BAZ2B: variants seen among roughly 807,000 people sequenced by gnomAD.
The protein encoded by BAZ2B is bromodomain adjacent to zinc finger domain 2B, also known as bromodomain adjacent to zinc finger domain protein 2B.
In BAZ2B, 91 loss-of-function variants were observed where a neutral mutation model predicts 246.0. That is an observed-to-expected ratio of 0.37 (90% confidence interval 0.31 to 0.44). BAZ2B has a LOEUF of 0.44. Ranked by LOEUF, BAZ2B falls within the 20% of genes least tolerant of loss-of-function variation. BAZ2B has a pLI of 1.00. For synonymous variants in BAZ2B, 855 were observed against 860.0 expected (o/e 0.99, Z 0.10); for missense variants, 2,332 against 2,533.7 (o/e 0.92, Z 1.71).
chr2:159,652,271 A>G, the BAZ2B span, among the ~76,000 whole-genome samples: 3 of 148,550 alleles, frequency 2.0e-5, no homozygotes, highest in Admixed American at 6.8e-5. Context: ...GTGCAATGGC[A>G]TGGTCTTGGC....
chr2:159,400,327 T>C (rs2064783363), intron 17 of BAZ2B, among the ~76,000 whole-genome samples: 1 of 152,210 alleles, frequency 6.6e-6, no homozygotes, highest in Non-Finnish European at 1.5e-5. Context: ...TTTATAAAAG[T>C]AAAACATTTT....
In BAZ2B at chr2:159,403,482, A is replaced by G. The variant is rs556954544; in HGVS notation, c.2832+1367T>C. ...GAGTCTCCAGCCATTAGTAAATAGA[A>G]TAAGCTATAAAACTTTTTCAATAAA... On this transcript the variant is annotated intron_variant, in intron 16 of 36. Coordinates refer to ENST00000392783, the MANE Select transcript of BAZ2B (RefSeq NM_013450.4). 3.9e-4 allele frequency among the ~76,000 whole-genome samples: 60 copies of G among 152,312 alleles called. 1 individual carries two copies. The Middle Eastern group carries it at 0.01, about 26-fold the overall frequency.
At chr2:159,655,118 C>T in the BAZ2B span, among the ~76,000 whole-genome samples, 7 of 152,124 alleles carry the variant, frequency 4.6e-5, no homozygotes, top group Non-Finnish European at 8.8e-5. Context: ...AACAAAATAA[C>T]TTAAACAAAC....
chr2:159,702,612 G>A, the BAZ2B span, among the ~76,000 whole-genome samples: 1 of 152,056 alleles, frequency 6.6e-6, no homozygotes, highest in South Asian at 2.1e-4. Flanking sequence ...AGAAAGTGAA[G>A]CCTAATGCAA....
At chr2:159,370,557 A>G (rs1255462352) in intron 27 of BAZ2B, among the ~76,000 whole-genome samples, 1 of 151,616 alleles carries the variant, frequency 6.6e-6, no homozygotes, top group African/African-American at 2.4e-5. Context: ...TATTTTTAGT[A>G]GAGACGGGGT....
Position 159,349,995 on chromosome 2 carries a change from T to G in BAZ2B, c.4576A>C (p.Asn1526His). ...CTTGAACCAGTATTAAACAGATTAT[T>G]AGAGTCTGCCTTTTCCACATTGCTT... Reference protein sequence around the residue: ...TQSNVEKADSNNLFNTGSSGP... With the variant: ...TQSNVEKADSHNLFNTGSSGP... Residue 1526 changes from asparagine (N) to histidine (H), a missense_variant, in exon 28 of 37, where the codon AAT (asparagine) becomes CAT (histidine). Physicochemically the swap from Asn to His is moderately conservative, Grantham distance 68. This residue lies in a region of BAZ2B where 676 missense variants were observed against 668.6 expected (regional missense o/e 1.01). Transcript: ENST00000392783. The G allele has an allele frequency of 6.2e-7, 1 of 1,614,194 alleles. No individual in the cohort carries two copies. The highest frequency in any genetic ancestry group is 8.5e-7 in the Non-Finnish European group (1 of 1,180,018).
intron 25 of BAZ2B, among the ~76,000 whole-genome samples, chr2:159,380,740 C>G (rs2061906316): frequency 6.6e-6 from 1 of 152,126 alleles, no homozygotes; most frequent in South Asian, 2.1e-4. Context: ...GTACCAGCCC[C>G]CAGTAAAAAC....
Position 159,606,943 on chromosome 2 carries a change from G to A in BAZ2B, c.-46+9299C>T, listed in dbSNP as rs112492248. ...TTCTATTTTTTTTTTTTTTTGAGAC[G>A]GAGTCTCACTCTGTCACCCAAGCTG... On this transcript the variant is annotated intron_variant, in intron 1 of 36. Transcript: ENST00000392783. Among the ~76,000 whole-genome samples the A allele has an allele frequency of 4.8e-3, 621 of 128,134 alleles. 7 individuals are homozygous for A. The highest frequency in any genetic ancestry group is 0.016 in the African/African-American group (562 of 34,516). 84.1% of individuals were successfully genotyped at this position (128,134 alleles called of 152,430 possible). A position where few individuals can be genotyped will look rare whatever the true frequency, so the allele number is the denominator to read the frequency against.
chr2:159,340,624 T>C (rs1254135109), intron 31 of BAZ2B, among the ~76,000 whole-genome samples: 1 of 151,710 alleles, frequency 6.6e-6, no homozygotes, highest in Non-Finnish European at 1.5e-5. Context: ...GGATGATATA[T>C]TCAAAGTAGT....
chr2:159,491,720 CAAAAAAAAAAAA>C lies in BAZ2B; in HGVS notation c.-2-13011_-2-13000del, dbSNP rs773067675. 1.2e-3 allele frequency among the ~76,000 whole-genome samples: 34 copies of C among 29,552 alleles called. No individual in the cohort carries two copies. The East Asian group carries it at 0.014, about 12-fold the overall frequency. The allele number at this position is 29,552 out of a possible 152,430, so 19.4% of individuals were successfully genotyped here. A position where few individuals can be genotyped will look rare whatever the true frequency, so the allele number is the denominator to read the frequency against. On this transcript the variant is annotated intron_variant, in intron 2 of 36. Coordinates refer to ENST00000392783, the MANE Select transcript of BAZ2B (RefSeq NM_013450.4). ...CGGGCGACAGAGCGAGACTCCGTCT[CAAAAAAAAAAAA>C]AAAAAAAAAAAAAAGTCTTCTGTTA... is the stretch of plus-strand genomic sequence containing the variant.
intron 27 of BAZ2B, among the ~76,000 whole-genome samples, chr2:159,359,104 A>G (rs2059413915): frequency 6.6e-6 from 1 of 152,206 alleles, no homozygotes; most frequent in African/African-American, 2.4e-5. Context: ...AATAACTAAG[A>G]TCAGAGCAGA....
intron 1 of BAZ2B, among the ~76,000 whole-genome samples, chr2:159,556,997 T>A (rs1185527889): frequency 6.6e-6 from 1 of 152,148 alleles, no homozygotes; most frequent in East Asian, 1.9e-4. Context: ...AAGAACTGAA[T>A]TTTTCCTGGT....
At chr2:159,666,571 T>C in the BAZ2B span, among the ~76,000 whole-genome samples, 9 of 152,250 alleles carry the variant, frequency 5.9e-5, no homozygotes, top group African/African-American at 2.2e-4. Flanking sequence ...ATTCATACTT[T>C]TAAAATTCTA....
intron 2 of BAZ2B, among the ~76,000 whole-genome samples, chr2:159,521,999 T>A (rs2084187418): frequency 6.6e-6 from 1 of 152,036 alleles, no homozygotes; most frequent in African/African-American, 2.4e-5. Flanking sequence ...TACTGATAAT[T>A]ATTAAATGAA....
intron 2 of BAZ2B, among the ~76,000 whole-genome samples, chr2:159,521,196 A>G (rs2084089698): frequency 6.6e-6 from 1 of 152,112 alleles, no homozygotes; most frequent in South Asian, 2.1e-4. Flanking sequence ...CATTCTGTTC[A>G]TTAAAAAAGT....
chr2:159,445,595 A>G (rs2074116046), intron 6 of BAZ2B, among the ~76,000 whole-genome samples: 1 of 152,212 alleles, frequency 6.6e-6, no homozygotes, highest in African/African-American at 2.4e-5. Flanking sequence ...GGAACCTGTC[A>G]GCTACAGTGG....
chr2:159,663,344 G>C, the BAZ2B span, among the ~76,000 whole-genome samples: 1 of 151,652 alleles, frequency 6.6e-6, no homozygotes, highest in Non-Finnish European at 1.5e-5. Flanking sequence ...TGGGATTACA[G>C]GTGTGTGCCA....
At chr2:159,346,118 T>C (rs2067735788) in intron 31 of BAZ2B, among the ~76,000 whole-genome samples, 1 of 152,200 alleles carries the variant, frequency 6.6e-6, no homozygotes, top group Admixed American at 6.5e-5. Flanking sequence ...TACTGTATTA[T>C]AGAACCTGGA....
At chr2:159,691,761 G>A in the BAZ2B span, among the ~76,000 whole-genome samples, 1 of 152,190 alleles carries the variant, frequency 6.6e-6, no homozygotes, top group Non-Finnish European at 1.5e-5. Flanking sequence ...GAATACATGA[G>A]AATTGCAAAA....
Sources: allele counts gnomAD v4.1 joint callset (sites outside exome capture counted in the v4.1 genomes callset), GRCh38; gene constraint gnomAD v4.1.1; regional missense constraint gnomAD v4.1.1; transcripts MANE v1.5; gene names NCBI Gene and HGNC (gene_info 2026-07-23, HGNC 2026-07-21).